The following TTN variants were observed in gnomAD, a reference collection of about 807,000 sequenced individuals.
TTN encodes titin, also known as connectin.
A neutral mutation model predicts 3,223.0 loss-of-function variants in TTN; 1,525 were observed. The ratio of observed to expected loss-of-function variants is 0.47; its 90% CI spans 0.45 to 0.49. The LOEUF is 0.49. Among genes scored for constraint, TTN ranks in the 20% least tolerant of loss-of-function variants. The pLI, the probability that TTN is intolerant of heterozygous loss-of-function variation, is 0.00. For synonymous variants in TTN, 14,094 were observed against 15,161.0 expected, an observed-to-expected ratio of 0.93 and a Z score of 5.17; for missense variants, 40,786 against 43,424.0, an observed-to-expected ratio of 0.94 and a Z score of 5.40.
At chr2:178,789,051 C>A (rs2093353832) in intron 13 of TTN, among the ~76,000 whole-genome samples, 1 of 152,000 alleles carries the variant, frequency 6.6e-6, no homozygotes, top group African/African-American at 2.4e-5. Flanking sequence ...AAAAAATGTT[C>A]ATGGGCCTCT....
rs186694116 is a variant in TTN, at chr2:178,763,140, G to A, written c.10114+1037C>T. 9.9e-5 allele frequency among the ~76,000 whole-genome samples: 15 copies of A among 152,250 alleles called. No homozygotes were observed. The East Asian group carries it at 2.7e-3, about 27-fold the overall frequency. On this transcript the variant is annotated intron_variant, in intron 43 of 362. Transcript: ENST00000589042. Reference sequence around the variant, plus strand: ...GCTGGGAGATGCCCAAGCTTTGAGAGTTTCCCTTTGGCTGGGAAACTCTCA... The same window carrying A: ...GCTGGGAGATGCCCAAGCTTTGAGAATTTCCCTTTGGCTGGGAAACTCTCA...
In TTN at chr2:178,651,532, G is replaced by A. The variant is rs1367382367; in HGVS notation, c.39468C>T (p.Pro13156=). 6.2e-6 allele frequency: 10 copies of A among 1,612,396 alleles called. No individual in the cohort carries two copies. Among genetic ancestry groups the A allele is most frequent in the South Asian group, 5.5e-5 (5 of 90,812 alleles). Residue 13156 remains proline (P), a synonymous_variant, in exon 207 of 363, where the codon CCC becomes CCT. Coordinates refer to ENST00000589042, the MANE Select transcript of TTN (RefSeq NM_001267550.2). ...CAGGAACAACCTCCTTGGGCACCTCGGGCACTATAAAAGATATTAGTAGTT... is the reference window on the plus strand; with the variant it reads ...CAGGAACAACCTCCTTGGGCACCTCAGGCACTATAAAAGATATTAGTAGTT... ...KKPELPPVKV[P]EVPKEVVPEK... is the part of the protein sequence containing the mutation.
Position 178,756,516 on chromosome 2 carries a change from CTT to C in TTN, c.10958_10959del (p.Lys3653ArgfsTer5). The C allele has an allele frequency of 6.2e-7, 1 of 1,613,612 alleles. No individual in the cohort carries two copies. On this transcript the variant is annotated frameshift_variant, in exon 46 of 363. Transcript: ENST00000589042. LOFTEE classifies it high-confidence loss of function. ...ATCTTGGGCGCCTCACCCGTGGACT[CTT>C]TAGCACATTCCTTAGATAGCTCAGT... ...ESTELSKECA[K>X]ESTGEAPKIF...
At chr2:178,711,906 A>C (rs2076713765) in intron 96 of TTN, 38 bp downstream of exon 96, 5 of 1,525,338 alleles carry the variant, frequency 3.3e-6, no homozygotes, top group Non-Finnish European at 3.5e-6. Context: ...TGTTCAAAAG[A>C]AACACAAATT....
At position 178,564,659 on chromosome 2, in the gene TTN, G is replaced by C. The variant is rs762635284; in HGVS notation, c.81473C>G (p.Pro27158Arg). Residue 27158 changes from proline to arginine, a missense_variant, in exon 326 of 363, where the codon CCT becomes CGT. Coordinates refer to ENST00000589042, the MANE Select transcript of TTN (RefSeq NM_001267550.2). ...AACAAAGCATTCTGACACTTTGCTA[G>C]GCTTGCCAATGCCAACAATATTTTC... ...SAENIVGIGK[P>R]SKVSECFVAR... The C allele has an allele frequency of 6.2e-7, 1 of 1,613,512 alleles. No individual in the cohort carries two copies. The highest frequency in any genetic ancestry group is 2.2e-5 in the East Asian group (1 of 44,754).
Position 178,728,782 on chromosome 2 carries a change from T to C in TTN, c.19148-4A>G, listed in dbSNP as rs1025136671. On this transcript the variant is annotated splice_polypyrimidine_tract_variant and splice_region_variant and intron_variant, in intron 65 of 362. Coordinates refer to ENST00000589042, the MANE Select transcript of TTN (RefSeq NM_001267550.2). Reference sequence around the variant, plus strand: ...TTCTCTACGATTTGAGCTGGTTCTGTAGTAAAAATGAAAATGTGGATGAGT... The same window carrying C: ...TTCTCTACGATTTGAGCTGGTTCTGCAGTAAAAATGAAAATGTGGATGAGT... 10 of 1,591,806 alleles carry C rather than the reference T, an allele frequency of 6.3e-6. No individual in the cohort carries two copies. The Admixed American group carries it at 6.8e-5, about 11-fold the overall frequency.
chr2:178,543,549 C>G lies in TTN; in HGVS notation c.96424G>C (p.Val32142Leu). The change falls in exon 347 of 363, where the codon GTT (valine) becomes CTT (leucine). Residue 32142 changes from valine to leucine, a missense_variant. Val to Leu is a conservative substitution (Grantham distance 32, BLOSUM62 1). Coordinates refer to ENST00000589042, the MANE Select transcript of TTN (RefSeq NM_001267550.2). ...CTCATAGCAGCTTCACGCTTCTCAA[C>G]GATGTAATTGTTGACTGGAGCTCCA... ...DGGAPVNNYI[V>L]EKREAAMRAF... 6.2e-7 allele frequency: 1 copy of G among 1,612,082 alleles called. No individual in the cohort carries two copies. The highest frequency in any genetic ancestry group is 1.7e-5 in the Admixed American group (1 of 59,992).
rs531066849 is a variant in TTN, at chr2:178,706,359, C to T, written c.29420+95G>A. On this transcript the variant is annotated intron_variant, in intron 102 of 362. Transcript: ENST00000589042. ...TATTTGTATTTTTAAATTTTTTGTT[C>T]TTTAATACTTTCCACTGGGGCTGGT... The T allele has an allele frequency of 1.0e-3, 1,368 of 1,364,886 alleles. 1 individual carries two copies. Among genetic ancestry groups the T allele is most frequent in the Non-Finnish European group, 1.2e-3 (1,217 of 1,026,590 alleles). The allele number at this position is 1,364,886 out of a possible 1,614,324, so 84.5% of individuals were successfully genotyped here. A position where few individuals can be genotyped will look rare whatever the true frequency, so the allele number is the denominator to read the frequency against.
chr2:178,568,338 C>T lies in TTN; in HGVS notation c.77794G>A (p.Asp25932Asn), dbSNP rs778532395. 2.5e-6 allele frequency: 4 copies of T among 1,613,412 alleles called. No homozygotes were observed. The Admixed American group carries it at 5.0e-5, about 20-fold the overall frequency. The change falls in exon 326 of 363, where the codon GAT (aspartate) becomes AAT (asparagine). Residue 25932 changes from aspartate to asparagine, a missense_variant. Asp to Asn is a conservative substitution (Grantham distance 23). Transcript: ENST00000589042. Reference sequence around the variant, plus strand: ...ACATCCCATACTGTGGTGGTTGTATCTCTTTTCTGAACAATGTAGTTGGTG... The same window carrying T: ...ACATCCCATACTGTGGTGGTTGTATTTCTTTTCTGAACAATGTAGTTGGTG... ...QITNYIVQKR[D>N]TTTTVWDVVS...
chr2:178,799,775 G>A (rs1185425395), intron 5 of TTN, 44 bp from the exon 6 acceptor site: 5 of 1,614,140 alleles, frequency 3.1e-6, no homozygotes, highest in Admixed American at 1.7e-5. Context: ...AGGAATAGCT[G>A]GGGACGCAAC....
At position 178,617,911 on chromosome 2, in the gene TTN, C is replaced by T. The variant is rs769902441; in HGVS notation, c.47440G>A (p.Glu15814Lys). ...RWDTAMTVRA[E>K]DLSATVTDVV... ...TCAGTAACAGTTGCAGACAGGTCTT[C>T]AGCTCTCACAGTCATGGCAGTATCC... The change falls in exon 253 of 363, where the codon GAA becomes AAA. Residue 15814 changes from glutamate to lysine, a missense_variant. Coordinates refer to ENST00000589042, the MANE Select transcript of TTN (RefSeq NM_001267550.2). 2 of 1,612,700 alleles carry T rather than the reference C, an allele frequency of 1.2e-6. No homozygotes were observed. The highest frequency in any genetic ancestry group is 1.7e-6 in the Non-Finnish European group (2 of 1,179,100).
rs548010682 is a variant in TTN, at chr2:178,547,472, G to C, written c.94154C>G (p.Ser31385Ter). Residue 31385 changes from serine (S) to a stop codon, truncating the protein, a stop_gained, in exon 339 of 363, where the codon TCA becomes TGA. Transcript: ENST00000589042. LOFTEE classifies it high-confidence loss of function. ...TTTGCTGACACCAAATCTGTTCTCT[G>C]AACTGACACGGAAAGAATATTCCAT... ...KYMEYSFRVSSENRFGVSKPL... is the reference protein window; with the variant it reads ...KYMEYSFRVS 6.2e-7 allele frequency: 1 copy of C among 1,612,228 alleles called. No homozygotes were observed. Among genetic ancestry groups the C allele is most frequent in the South Asian group, 1.1e-5 (1 of 90,930 alleles).
At chr2:178,799,324 C>G in intron 6 of TTN, 163 bp downstream of exon 6, 1 of 1,100,802 alleles carries the variant, frequency 9.1e-7, no homozygotes, top group East Asian at 2.6e-5. Context: ...AGCCCCACAA[C>G]CTGCCCGTTT....
Position 178,554,233 on chromosome 2 carries a change from G to T in TTN, c.88895-17C>A. 6.4e-7 allele frequency: 1 copy of T among 1,558,368 alleles called. No homozygotes were observed. The highest frequency in any genetic ancestry group is 8.6e-7 in the Non-Finnish European group (1 of 1,157,694). ...CAGGTGTAACTATTTAGAAAGGAAGGGAAAACAAGGTACAAGAATCCACAT... is the reference window on the plus strand; with the variant it reads ...CAGGTGTAACTATTTAGAAAGGAAGTGAAAACAAGGTACAAGAATCCACAT... On this transcript the variant is annotated splice_polypyrimidine_tract_variant and intron_variant, in intron 332 of 362. Coordinates refer to ENST00000589042, the MANE Select transcript of TTN (RefSeq NM_001267550.2).
intron 242 of TTN, among the ~76,000 whole-genome samples, chr2:178,623,165 C>G (rs2058553121): frequency 6.6e-6 from 1 of 151,838 alleles, no homozygotes; most frequent in South Asian, 2.1e-4. Flanking sequence ...GCACTTAGCA[C>G]AATCTTTGAG....
At chr2:178,682,926 C>T (rs2069825435) in intron 134 of TTN, 23 bp from the exon 135 acceptor site, 6 of 1,558,586 alleles carry the variant, frequency 3.8e-6, no homozygotes, top group Non-Finnish European at 5.2e-6. Context: ...TAACAACAGG[C>T]AGCACTTTAC....
At chr2:178,645,211 T>C (rs1031457464) in intron 217 of TTN, 2 of 152,098 alleles carry the variant, frequency 1.3e-5, no homozygotes, top group African/African-American at 4.8e-5. Flanking sequence ...AACTGATATT[T>C]TTAAAATTAA....
rs549601214 is a variant in TTN, at chr2:178,592,303, A to G, written c.59627-26T>C. 7 of 1,602,242 alleles carry G rather than the reference A, an allele frequency of 4.4e-6. No homozygotes were observed. The South Asian group carries it at 4.6e-5, about 10-fold the overall frequency. ...CTAAAAAGTGTTAAATAACAGTTTG[A>G]TAAGTAATTTTATCCATATAAGAGC... On this transcript the variant is annotated intron_variant, in intron 301 of 362. Coordinates refer to ENST00000589042, the MANE Select transcript of TTN (RefSeq NM_001267550.2).
chr2:178,620,976 C>T lies in TTN; in HGVS notation c.45634G>A (p.Val15212Ile). 1 of 1,610,920 alleles carries T rather than the reference C, an allele frequency of 6.2e-7. No homozygotes were observed. Residue 15212 changes from valine to isoleucine, a missense_variant, in exon 247 of 363, where the codon GTT becomes ATT. By Grantham distance (29) the Val-to-Ile change is conservative (BLOSUM62 3). Transcript: ENST00000589042. ...TTCACCCGGGTGTCCTTAAGAGGAA[C>T]TACGATCCTGAGTTTTTCTGAAAGC... The part of the protein sequence containing the change: ...LTVIEKLRIV[V>I]PLKDTRVKEQ...
Sources: allele counts gnomAD v4.1 joint callset (sites outside exome capture counted in the v4.1 genomes callset), GRCh38; gene constraint gnomAD v4.1.1; transcripts MANE v1.5; gene names NCBI Gene and HGNC (gene_info 2026-07-23, HGNC 2026-07-21).